Variants in DCDC1 observed in about 807,000 individuals in gnomAD.
The protein encoded by DCDC1 is doublecortin domain containing 1.
A neutral mutation model predicts 178.3 loss-of-function variants in DCDC1; 200 were observed. The ratio of observed to expected loss-of-function variants is 1.12; its 90% CI spans 1.00 to 1.26. The LOEUF is 1.26. Among genes scored for constraint, DCDC1 ranks in the 50% most tolerant of loss-of-function variants. DCDC1 has a pLI of 0.00. For missense variants in DCDC1, 1,983 were observed against 1,749.2 expected, an observed-to-expected ratio of 1.13 and a Z score of -2.38; for synonymous variants, 690 against 604.8, an observed-to-expected ratio of 1.14 and a Z score of -2.07.
chr11:30,971,862 G>A (rs980599774), intron 20 of DCDC1, among the ~76,000 whole-genome samples: 3 of 152,028 alleles, frequency 2.0e-5, no homozygotes, highest in Non-Finnish European at 4.4e-5. Context: ...GCCTGCCTCA[G>A]CCTCCCAAAG....
At chr11:31,225,060 T>C (rs1376603447) in intron 9 of DCDC1, among the ~76,000 whole-genome samples, 1 of 152,114 alleles carries the variant, frequency 6.6e-6, no homozygotes, top group Non-Finnish European at 1.5e-5. Context: ...CACATGCACA[T>C]GCATGCTTAT....
intron 3 of DCDC1, among the ~76,000 whole-genome samples, chr11:31,309,794 T>C (rs1301713430): frequency 1.3e-5 from 2 of 152,246 alleles, no homozygotes; most frequent in Non-Finnish European, 2.9e-5. Context: ...TTTTACTTTT[T>C]CATATTCTGA....
At chr11:31,093,215 A>T (rs1222170849) in intron 16 of DCDC1, among the ~76,000 whole-genome samples, 4 of 152,212 alleles carry the variant, frequency 2.6e-5, no homozygotes. Flanking sequence ...AATATGTCTT[A>T]GTACCTTTGT....
chr11:31,000,650 C>T (rs950139181), intron 20 of DCDC1, among the ~76,000 whole-genome samples: 1 of 151,810 alleles, frequency 6.6e-6, no homozygotes, highest in Non-Finnish European at 1.5e-5. Flanking sequence ...GAACATGCTA[C>T]ATTAATGAAG....
At chr11:31,020,098 T>C (rs1342666076) in intron 20 of DCDC1, among the ~76,000 whole-genome samples, 1 of 152,240 alleles carries the variant, frequency 6.6e-6, no homozygotes, top group Non-Finnish European at 1.5e-5. Flanking sequence ...ACCAGGTTGC[T>C]GTTGTCTGTT....
chr11:31,170,346 C>T (rs762464522), intron 9 of DCDC1, among the ~76,000 whole-genome samples: 3 of 152,100 alleles, frequency 2.0e-5, no homozygotes, highest in Non-Finnish European at 4.4e-5. Context: ...CTTCTTTCCT[C>T]AAAGCTATAA....
In DCDC1 at chr11:31,287,379, T is replaced by C. The variant is rs530479906; in HGVS notation, c.960+3268A>G. Among the ~76,000 whole-genome samples the C allele has an allele frequency of 1.1e-3, 163 of 152,060 alleles. 2 individuals carry two copies. The highest frequency in any genetic ancestry group is 3.6e-3 in the African/African-American group (151 of 41,518). On this transcript the variant is annotated intron_variant, in intron 7 of 38. Coordinates refer to ENST00000684477, the MANE Select transcript of DCDC1 (RefSeq NM_001387274.1). ...GTTCGTAAGATCCAACATATAAAAG[T>C]AGGAGTTCCATAAAATAATAACAGA...
chr11:30,972,351 CAT>C (rs1449391288), intron 20 of DCDC1, among the ~76,000 whole-genome samples: 3 of 152,110 alleles, frequency 2.0e-5, no homozygotes, highest in African/African-American at 7.2e-5. Context: ...AAAACTGTCA[CAT>C]GTTATATCCA....
intron 20 of DCDC1, among the ~76,000 whole-genome samples, chr11:31,042,227 T>A (rs1432784856): frequency 6.6e-6 from 1 of 152,214 alleles, no homozygotes; most frequent in Non-Finnish European, 1.5e-5. Context: ...ATTATTTAAT[T>A]TCTTTGGGCC....
In DCDC1 at chr11:31,077,877, G is replaced by A. The variant is rs1195923523; in HGVS notation, c.2286C>T (p.Cys762=). The A allele has an allele frequency of 2.6e-6, 2 of 766,172 alleles. No individual in the cohort carries two copies. The highest frequency in any genetic ancestry group is 1.7e-5 in the Admixed American group (1 of 59,022). The allele number at this position is 766,172 out of a possible 1,614,324, so 47.5% of individuals were successfully genotyped here. A position where few individuals can be genotyped will look rare whatever the true frequency, so the allele number is the denominator to read the frequency against. ...ATAAAGTCCTTACCTTTGAATAAAT[G>A]CAACCATCAGTTCCAAACACCCACT... ...SQKWVFGTDG[C]IYSKAYPQFV... is the part of the protein sequence containing the mutation. The change falls in exon 18 of 39, where the codon TGC becomes TGT. Residue 762 remains cysteine, a synonymous_variant. Transcript: ENST00000684477.
intron 20 of DCDC1, among the ~76,000 whole-genome samples, chr11:31,013,079 T>C (rs970668820): frequency 6.6e-6 from 1 of 152,246 alleles, no homozygotes; most frequent in Non-Finnish European, 1.5e-5. Flanking sequence ...TTCATTACAG[T>C]ATTCTGCATT....
At chr11:31,314,608 T>C (rs1255641209) in intron 3 of DCDC1, 1 of 152,224 alleles carries the variant, frequency 6.6e-6, no homozygotes, top group Admixed American at 6.5e-5. Context: ...AATTCAGTTC[T>C]TGACTGCTAT....
chr11:31,006,864 T>C (rs1011894498), intron 20 of DCDC1, among the ~76,000 whole-genome samples: 1 of 152,244 alleles, frequency 6.6e-6, no homozygotes, highest in African/African-American at 2.4e-5. Flanking sequence ...CACTTGATTA[T>C]GGTAGAAGAA....
chr11:31,096,823 G>T (rs758935982), intron 15 of DCDC1, among the ~76,000 whole-genome samples: 1 of 152,064 alleles, frequency 6.6e-6, no homozygotes. Context: ...TAGACCAAAC[G>T]AGGGTGGGAA....
chr11:31,066,072 C>T (rs1330617885), intron 18 of DCDC1, among the ~76,000 whole-genome samples: 4 of 152,124 alleles, frequency 2.6e-5, no homozygotes, highest in South Asian at 4.1e-4. Flanking sequence ...TCAACCCACT[C>T]GTGTAATATT....
intron 9 of DCDC1, among the ~76,000 whole-genome samples, chr11:31,161,740 G>A (rs1419189609): frequency 6.6e-6 from 1 of 152,162 alleles, no homozygotes; most frequent in Non-Finnish European, 1.5e-5. Context: ...TACAAGCAGT[G>A]GCCTCTGACT....
At chr11:31,221,169 G>T (rs1431640880) in intron 9 of DCDC1, among the ~76,000 whole-genome samples, 1 of 152,054 alleles carries the variant, frequency 6.6e-6, no homozygotes, top group Non-Finnish European at 1.5e-5. Context: ...TGTCCCAAAA[G>T]TCTTCACTCA....
intron 3 of DCDC1, among the ~76,000 whole-genome samples, chr11:31,321,944 C>A (rs1262753240): frequency 6.6e-6 from 1 of 152,142 alleles, no homozygotes; most frequent in Non-Finnish European, 1.5e-5. Context: ...GGGTTAGGGT[C>A]ATGGAAAAGG....
At chr11:31,040,577 CA>C (rs1954376773) in intron 20 of DCDC1, among the ~76,000 whole-genome samples, 1 of 152,088 alleles carries the variant, frequency 6.6e-6, no homozygotes, top group African/African-American at 2.4e-5. Context: ...AACTGATAGC[CA>C]TAAAAGGTTC....
Sources: allele counts gnomAD v4.1 joint callset (sites outside exome capture counted in the v4.1 genomes callset), GRCh38; gene constraint gnomAD v4.1.1; transcripts MANE v1.5; gene names NCBI Gene and HGNC (gene_info 2026-07-23, HGNC 2026-07-21).